Variants in NIPAL3 observed in about 807,000 individuals in gnomAD.
The protein encoded by NIPAL3 is NIPA-like protein 3.
In NIPAL3, 41 loss-of-function variants were observed where a neutral mutation model predicts 47.2. The observed-to-expected ratio is 0.87, with a 90% CI of 0.68 to 1.13. The LOEUF is 1.13. Ranked by LOEUF, NIPAL3 falls within the 50% of genes most tolerant of loss-of-function variation. The probability of loss-of-function intolerance (pLI) is 0.00; values close to 1 mark genes in which losing one functional copy is unlikely to be tolerated. For missense variants in NIPAL3, 449 were observed against 530.1 expected (o/e 0.85, Z 1.50); for synonymous variants, 194 against 209.6 (o/e 0.93, Z 0.64).
At chr1:24,433,420 G>A (rs1403151914) in intron 2 of NIPAL3, among the ~76,000 whole-genome samples, 2 of 152,214 alleles carry the variant, frequency 1.3e-5, no homozygotes, top group Admixed American at 6.5e-5. Context: ...GCCATGTGAA[G>A]GTTGGAAGAG....
chr1:24,470,764 T>G lies in NIPAL3; in HGVS notation c.*1579T>G, dbSNP rs1483461174. The stretch of plus-strand genomic sequence containing the variant: ...GATTTAGTATCTTGACTCCAAAAAC[T>G]GACATCTGTTGTCTGTGATAACCAC... On this transcript the variant is annotated 3_prime_UTR_variant, in exon 12 of 12. Transcript: ENST00000374399. 6.6e-6 allele frequency: 1 copy of G among 152,228 alleles called. No homozygotes were observed. 9.4% of individuals were successfully genotyped at this position (152,228 alleles called of 1,614,324 possible).
At chr1:24,427,049 G>C (rs1235459280) in intron 2 of NIPAL3, among the ~76,000 whole-genome samples, 2 of 152,212 alleles carry the variant, frequency 1.3e-5, no homozygotes, top group Non-Finnish European at 2.9e-5. Context: ...AATAACCCCA[G>C]TGAAGACATA....
upstream of NIPAL3, chr1:24,413,574 C>CT (rs1553128660): frequency 1.3e-5 from 2 of 152,310 alleles, no homozygotes; most frequent in Non-Finnish European, 2.9e-5. Context: ...ACCCGGAGGC[C>CT]GGGGGGTCTC....
chr1:24,462,971 TACTA>T (rs1043129681), intron 10 of NIPAL3, among the ~76,000 whole-genome samples: 9 of 151,930 alleles, frequency 5.9e-5, no homozygotes, highest in African/African-American at 2.2e-4. Context: ...AATACAAAAA[TACTA>T]AAAATACTAA....
At chr1:24,463,885 T>A (rs1646584199) in intron 10 of NIPAL3, 141 bp from the exon 11 acceptor site, 1 of 590,922 alleles carries the variant, frequency 1.7e-6, no homozygotes, top group East Asian at 2.9e-5. Flanking sequence ...GCTGGCAGCC[T>A]CTCAGGGCTC....
At chr1:24,443,876 G>A (rs1433752666) in intron 4 of NIPAL3, among the ~76,000 whole-genome samples, 1 of 152,120 alleles carries the variant, frequency 6.6e-6, no homozygotes, top group Non-Finnish European at 1.5e-5. Context: ...GATCATACCT[G>A]TAGCCTTATC....
intron 7 of NIPAL3, among the ~76,000 whole-genome samples, chr1:24,453,838 T>C (rs1309297342): frequency 6.6e-6 from 1 of 152,150 alleles, no homozygotes; most frequent in East Asian, 1.9e-4. Context: ...GAGACGGTAG[T>C]AGTAGAGCAT....
At position 24,454,331 on chromosome 1, in the gene NIPAL3, C is replaced by T; in HGVS notation, c.637+827C>T. 1 of 1,105,978 alleles carries T rather than the reference C, an allele frequency of 9.0e-7. No homozygotes were observed. Among genetic ancestry groups the T allele is most frequent in the African/African-American group, 1.7e-5 (1 of 59,334 alleles). 68.5% of individuals were successfully genotyped at this position (1,105,978 alleles called of 1,614,324 possible). On this transcript the variant is annotated intron_variant, in intron 7 of 11. Transcript: ENST00000374399. This position sits in a 1 kb window ranked among gnomAD's most constrained non-coding sequence, Gnocchi z 4.1. ...CGCGCTGCTCTTGAGTGGCCTCAGGCTAATGACCCTCCCTCCTTAAGCCAC... is the reference window on the plus strand; with the variant it reads ...CGCGCTGCTCTTGAGTGGCCTCAGGTTAATGACCCTCCCTCCTTAAGCCAC...
rs548875485 is a variant in NIPAL3 at position 24,426,861 on chromosome 1, G to A, written c.93+7221G>A. 1.1e-4 allele frequency among the ~76,000 whole-genome samples: 17 copies of A among 152,268 alleles called. 1 individual carries two copies. The South Asian group carries it at 3.1e-3, about 28-fold the overall frequency. On this transcript the variant is annotated intron_variant, in intron 2 of 11. Transcript: ENST00000374399. ...TGCCTCAGAAGAATCAACCTGATCT[G>A]GCAGTGCCCAAGCCTGGAGCCACCC...
At chr1:24,465,413 G>A (rs557540119) in intron 11 of NIPAL3, 2 of 148,368 alleles carry the variant, frequency 1.3e-5, no homozygotes, top group East Asian at 1.9e-4. Context: ...ATCAATATCA[G>A]TATTTGTGTG....
chr1:24,434,470 A>G lies in NIPAL3; in HGVS notation c.94-5702A>G, dbSNP rs531587427. 2.6e-5 allele frequency among the ~76,000 whole-genome samples: 4 copies of G among 152,316 alleles called. No homozygotes were observed. In the South Asian group the frequency reaches 8.3e-4, roughly 32 times the overall value. On this transcript the variant is annotated intron_variant, in intron 2 of 11. Transcript: ENST00000374399. ...AAAACTGACAGAATCAAAGGAAGAAATACACGATAATAGCCAAAGACTTGA... is the reference window on the plus strand; with the variant it reads ...AAAACTGACAGAATCAAAGGAAGAAGTACACGATAATAGCCAAAGACTTGA...
At chr1:24,424,053 A>C (rs1025835600) in intron 2 of NIPAL3, among the ~76,000 whole-genome samples, 13 of 152,248 alleles carry the variant, frequency 8.5e-5, no homozygotes, top group Non-Finnish European at 1.9e-4. Context: ...TGAGATTTCT[A>C]GTAAGTTTCC....
At chr1:24,431,209 C>G (rs1372678391) in intron 2 of NIPAL3, among the ~76,000 whole-genome samples, 2 of 152,108 alleles carry the variant, frequency 1.3e-5, no homozygotes, top group African/African-American at 4.8e-5. Flanking sequence ...TCTTGATTAT[C>G]ACTAAAAAAA....
Position 24,471,917 on chromosome 1 carries a change from C to T in NIPAL3, c.*2732C>T, listed in dbSNP as rs992069535. The T allele has an allele frequency of 4.6e-5, 7 of 151,716 alleles. No individual in the cohort carries two copies. The highest frequency in any genetic ancestry group is 1.7e-4 in the African/African-American group (7 of 41,262). 9.4% of individuals were successfully genotyped at this position (151,716 alleles called of 1,614,324 possible). A position where few individuals can be genotyped will look rare whatever the true frequency, so the allele number is the denominator to read the frequency against. ...GCAGGAGGGAGAAACAGAAGGTGAGCAGGGAGGCTATTTAGATGTGTCAAA... is the reference window on the plus strand; with the variant it reads ...GCAGGAGGGAGAAACAGAAGGTGAGTAGGGAGGCTATTTAGATGTGTCAAA... On this transcript the variant is annotated 3_prime_UTR_variant, in exon 12 of 12. Transcript: ENST00000374399.
At chr1:24,466,731 C>T (rs1045282513) in intron 11 of NIPAL3, among the ~76,000 whole-genome samples, 7 of 152,188 alleles carry the variant, frequency 4.6e-5, no homozygotes, top group African/African-American at 1.7e-4. Flanking sequence ...CTGTTGGTCT[C>T]TGGCTGGAGG....
chr1:24,469,186 G>T lies in NIPAL3; in HGVS notation c.*1G>T, dbSNP rs769999230. On this transcript the variant is annotated 3_prime_UTR_variant, in exon 12 of 12. Coordinates refer to ENST00000374399, the MANE Select transcript of NIPAL3 (RefSeq NM_020448.5). ...CCTAGAGCACACCAAGAAGGAATGA[G>T]ACTCGCCTCCCTCTATTTATAACTG... 6.2e-5 allele frequency: 100 copies of T among 1,612,584 alleles called. No homozygotes were observed. Among genetic ancestry groups the T allele is most frequent in the Non-Finnish European group, 8.5e-5 (100 of 1,179,618 alleles).
At position 24,454,080 on chromosome 1, in the gene NIPAL3, G is replaced by A. The variant is rs1446477473; in HGVS notation, c.637+576G>A. ...CTTGCTCTGTCACCCAGGCTGGAGT[G>A]CAGTGGTACAATCTTAGCTCTCTGC... On this transcript the variant is annotated intron_variant, in intron 7 of 11. Transcript: ENST00000374399. This position sits in a 1 kb window ranked among gnomAD's most constrained non-coding sequence, Gnocchi z 4.1. 1 of 693,352 alleles carries A rather than the reference G, an allele frequency of 1.4e-6. No homozygotes were observed. Among genetic ancestry groups the A allele is most frequent in the South Asian group, 1.5e-5 (1 of 67,982 alleles). 42.9% of individuals were successfully genotyped at this position (693,352 alleles called of 1,614,324 possible).
chr1:24,466,872 T>A (rs554531269), intron 11 of NIPAL3, among the ~76,000 whole-genome samples: 2 of 152,188 alleles, frequency 1.3e-5, no homozygotes, highest in Non-Finnish European at 2.9e-5. Flanking sequence ...ACTCTTAAAC[T>A]GTGCCCTTCA....
rs185731520 is a variant in NIPAL3, at chr1:24,439,396, A to G, written c.94-776A>G. On this transcript the variant is annotated intron_variant, in intron 2 of 11. Coordinates refer to ENST00000374399, the MANE Select transcript of NIPAL3 (RefSeq NM_020448.5). ...TAAAACAGATGGTAATCTTATTTTTATAAAGTAAATTAACATTTCCATTGA... is the reference window on the plus strand; with the variant it reads ...TAAAACAGATGGTAATCTTATTTTTGTAAAGTAAATTAACATTTCCATTGA... 2.1e-3 allele frequency among the ~76,000 whole-genome samples: 313 copies of G among 152,340 alleles called. 1 individual carries two copies. Among genetic ancestry groups the G allele is most frequent in the Non-Finnish European group, 2.5e-4 (17 of 68,032 alleles).
Sources: gnomAD v4.1 joint callset for allele counts (sites outside exome capture counted in the v4.1 genomes callset) on GRCh38, gnomAD v4.1.1 for gene constraint, Gnocchi (gnomAD v3.1) non-coding constraint, MANE v1.5 for transcripts, NCBI Gene and HGNC (gene_info 2026-07-23, HGNC 2026-07-21) for gene names.